GPRC5D: variants seen among roughly 807,000 people sequenced by gnomAD.
GPRC5D encodes G protein-coupled receptor class C group 5 member D, also known as G protein-coupled receptor family C group 5 member D.
A neutral mutation model predicts 29.3 loss-of-function variants in GPRC5D; 20 were observed. That is an observed-to-expected ratio of 0.68 (90% confidence interval 0.48 to 0.99). The LOEUF (loss-of-function observed/expected upper bound fraction) is 0.99, where lower values mean the gene tolerates loss of function less well. GPRC5D is among the 50% of genes least tolerant of loss of function. GPRC5D has a pLI of 0.00. For synonymous variants in GPRC5D, 178 were observed against 171.3 expected, an observed-to-expected ratio of 1.04 and a Z score of -0.30; for missense variants, 384 against 423.6, an observed-to-expected ratio of 0.91 and a Z score of 0.82.
chr12:12,950,120 C>T, exon 1 of GPRC5D: 1 of 1,613,998 alleles, frequency 6.2e-7, no homozygotes, highest in Non-Finnish European at 8.5e-7. Flanking sequence ...CGTACGGGGG[C>T]AGTTTGTTGA....
At chr12:12,942,467 G>T in intron 1 of GPRC5D, 139 bp from the exon 3 acceptor site, 1 of 627,204 alleles carries the variant, frequency 1.6e-6, no homozygotes, top group Non-Finnish European at 2.9e-6. Context: ...GGGCACGGTG[G>T]CTCACGCCTG....
intron 1 of GPRC5D, among the ~76,000 whole-genome samples, chr12:12,946,325 C>T (rs1863331459): frequency 6.8e-6 from 1 of 146,706 alleles, no homozygotes; most frequent in African/African-American, 2.6e-5. Flanking sequence ...TTCTTTCTTT[C>T]TTTCTTTCTT....
chr12:12,952,035 T>C (rs1486991479), upstream of GPRC5D: 1 of 152,098 alleles, frequency 6.6e-6, no homozygotes, highest in Non-Finnish European at 1.5e-5. Flanking sequence ...TTCCCTTCAG[T>C]TATCCCCAGA....
At chr12:12,940,730 C>T, downstream of GPRC5D, 1 of 1,183,216 alleles carries the variant, frequency 8.5e-7, no homozygotes, top group Middle Eastern at 1.9e-4. Flanking sequence ...GCTATGCTAC[C>T]CAGGACGGTC....
intron 1 of GPRC5D, among the ~76,000 whole-genome samples, chr12:12,944,827 T>TC (rs1863246786): frequency 1.0e-4 from 1 of 9,900 alleles, no homozygotes; most frequent in East Asian, 6.2e-3. Context: ...CCTTCCTTCC[T>TC]TCCTTCCTTC....
At chr12:12,940,843 C>A (rs1183830533) in exon 3 of GPRC5D, 2 of 1,594,498 alleles carry the variant, frequency 1.3e-6, no homozygotes, top group African/African-American at 2.7e-5. Flanking sequence ...TGTGTGGGAT[C>A]AACAGTCTGG....
intron 1 of GPRC5D, among the ~76,000 whole-genome samples, chr12:12,944,152 A>T (rs1863216959): frequency 6.6e-6 from 1 of 152,070 alleles, no homozygotes; most frequent in Non-Finnish European, 1.5e-5. Flanking sequence ...ATTTTTTTAG[A>T]GTGTGCAGTG....
downstream of GPRC5D, chr12:12,940,747 GT>G (rs763335459): frequency 1.2e-5 from 17 of 1,445,722 alleles, no homozygotes; most frequent in South Asian, 1.8e-4. Flanking sequence ...GGTCTGCTGG[GT>G]TTTCTCCACT....
upstream of GPRC5D, among the ~76,000 whole-genome samples, chr12:12,950,839 T>C (rs985513576): frequency 2.0e-5 from 3 of 147,464 alleles, no homozygotes; most frequent in Non-Finnish European, 3.0e-5. Flanking sequence ...GTACAGTGGC[T>C]CATGCTTGTA....
intron 1 of GPRC5D, among the ~76,000 whole-genome samples, chr12:12,943,575 G>GCTGGTT (rs1863205404): frequency 6.6e-6 from 1 of 152,182 alleles, no homozygotes; most frequent in African/African-American, 2.4e-5. Flanking sequence ...TGGTGCTGGT[G>GCTGGTT]CTGCAGTTAT....
rs1311203956 is a variant in GPRC5D, at chr12:12,944,857, CTT to C, written c.896-2531_896-2530del. On this transcript the variant is annotated intron_variant, in intron 1 of 2. Transcript: ENST00000228887. Reference sequence around the variant, plus strand: ...TCCTTCCTTCCTTCCTTCCTTCTTTCTTTCTTTCTTTCTTTCTTTCTTTCTTT... The same window carrying C: ...TCCTTCCTTCCTTCCTTCCTTCTTTCTCTTTCTTTCTTTCTTTCTTTCTTT... Among the ~76,000 whole-genome samples the C allele has an allele frequency of 9.1e-4, 77 of 84,534 alleles. 4 individuals carry two copies. Among genetic ancestry groups the C allele is most frequent in the Middle Eastern group, 5.0e-3 (1 of 200 alleles). The allele number at this position is 84,534 out of a possible 152,430, so 55.5% of individuals were successfully genotyped here.
chr12:12,944,903 T>TTCTTTCTTTCTTTCTC (rs1565477611), intron 1 of GPRC5D, among the ~76,000 whole-genome samples: 27 of 79,182 alleles, frequency 3.4e-4, no homozygotes, highest in South Asian at 6.5e-4. Context: ...CTTTCTTTCT[T>TTCTTTCTTTCTTTCTC]TCTCTCCCTT....
rs117973522 is a variant in GPRC5D at position 12,941,938 on chromosome 12, G to A, written c.963+323C>T. On this transcript the variant is annotated intron_variant, in intron 2 of 2. Transcript: ENST00000228887. The stretch of plus-strand genomic sequence containing the variant: ...ATATTTACAATCCTGTATTGTCCCC[G>A]AGGCAAAATTCGGTAAGCCTGCTGC... 6.5e-4 allele frequency among the ~76,000 whole-genome samples: 99 copies of A among 152,324 alleles called. 2 individuals are homozygous for A. The East Asian group carries it at 0.018, about 27-fold the overall frequency.
At chr12:12,949,415 A>G in intron 1 of GPRC5D, 75 bp downstream of exon 2, 3 of 1,291,868 alleles carry the variant, frequency 2.3e-6, no homozygotes, top group Non-Finnish European at 3.2e-6. Context: ...CTCTTGGCTC[A>G]TCCTACTGCA....
chr12:12,949,482 G>T lies in GPRC5D; in HGVS notation c.895+8C>A, dbSNP rs764645949. On this transcript the variant is annotated splice_region_variant and intron_variant, in intron 1 of 2. Coordinates refer to ENST00000228887, the Ensembl canonical transcript of GPRC5D. Reference sequence around the variant, plus strand: ...CCTCCCTGCTCCCTGAATCCCCCAGGAATGTACCTCTGGAGAGCTCCTGGT... The same window carrying T: ...CCTCCCTGCTCCCTGAATCCCCCAGTAATGTACCTCTGGAGAGCTCCTGGT... 6.2e-7 allele frequency: 1 copy of T among 1,606,308 alleles called. No individual in the cohort carries two copies. The highest frequency in any genetic ancestry group is 1.7e-5 in the Admixed American group (1 of 59,592).
At chr12:12,942,915 G>A (rs929422042) in intron 1 of GPRC5D, among the ~76,000 whole-genome samples, 3 of 152,154 alleles carry the variant, frequency 2.0e-5, no homozygotes, top group African/African-American at 7.2e-5. Context: ...GTATTACCGT[G>A]TGGCCTTGGG....
intron 1 of GPRC5D, among the ~76,000 whole-genome samples, chr12:12,946,291 TCTTCCTTCCTTCCTTCCTTTTCTTTC>T (rs1377865406): frequency 5.9e-5 from 5 of 84,458 alleles, no homozygotes; most frequent in Non-Finnish European, 1.0e-4. Context: ...TTCCTTCCTT[TCTTCCTTCCTTCCTTCCTTTTCTTTC>T]TTTCTTTCTT....
At chr12:12,947,507 C>CCCTT (rs977400559) in intron 1 of GPRC5D, among the ~76,000 whole-genome samples, 2 of 151,874 alleles carry the variant, frequency 1.3e-5, no homozygotes, top group African/African-American at 4.8e-5. Flanking sequence ...GCAATTCCTT[C>CCCTT]CCTTCCTTCC....
chr12:12,944,190 A>C (rs1190729227), intron 1 of GPRC5D, among the ~76,000 whole-genome samples: 2 of 152,054 alleles, frequency 1.3e-5, no homozygotes. Context: ...TGCAACCTTG[A>C]ACTCCTGGAC....
Sources: gnomAD v4.1 joint callset for allele counts (sites outside exome capture counted in the v4.1 genomes callset) on GRCh38, gnomAD v4.1.1 for gene constraint, MANE v1.5 for transcripts, NCBI Gene and HGNC (gene_info 2026-07-23, HGNC 2026-07-21) for gene names.